Variants in SLC22A24 observed in about 807,000 individuals in gnomAD.
SLC22A24 encodes the protein solute carrier family 22 member 24.
Under a neutral mutation model 49.8 loss-of-function variants are expected in SLC22A24, and 53 were observed. That is an observed-to-expected ratio of 1.06 (90% confidence interval 0.85 to 1.34). The LOEUF (loss-of-function observed/expected upper bound fraction) is 1.34. Ranked by LOEUF, SLC22A24 falls within the 40% of genes most tolerant of loss-of-function variation. The pLI is 0.00. For missense variants in SLC22A24, 786 were observed against 675.9 expected, an observed-to-expected ratio of 1.16 and a Z score of -1.81; for synonymous variants, 302 against 256.4, an observed-to-expected ratio of 1.18 and a Z score of -1.70.
chr11:63,135,414 T>G (rs537584041), intron 1 of SLC22A24, among the ~76,000 whole-genome samples: 2 of 152,344 alleles, frequency 1.3e-5, no homozygotes, highest in East Asian at 3.9e-4. Flanking sequence ...AGCATAACAT[T>G]TGCCTAACAG....
rs143862218 is a variant in SLC22A24 at position 63,107,513 on chromosome 11, T to G, written c.831-3215A>C. 7.9e-5 allele frequency among the ~76,000 whole-genome samples: 12 copies of G among 152,334 alleles called. No individual in the cohort carries two copies. In the East Asian group the frequency reaches 2.3e-3, roughly 29 times the overall value. On this transcript the variant is annotated intron_variant, in intron 4 of 9. Coordinates refer to ENST00000612278, the MANE Select transcript of SLC22A24 (RefSeq NM_001136506.2). ...TGGGGATGGCATTGAATCTATGAAT[T>G]ACCTTGGGCAATATGGCCATTTTCA...
At chr11:63,096,530 T>C (rs1388814688) in intron 5 of SLC22A24, among the ~76,000 whole-genome samples, 14 of 152,188 alleles carry the variant, frequency 9.2e-5, no homozygotes, top group African/African-American at 4.8e-5. Context: ...GGGTCCACTT[T>C]ATGATTAGCT....
intron 4 of SLC22A24, among the ~76,000 whole-genome samples, chr11:63,107,097 T>C (rs1287420712): frequency 1.3e-5 from 2 of 152,200 alleles, no homozygotes; most frequent in Non-Finnish European, 2.9e-5. Flanking sequence ...CATCTTGAAG[T>C]AATTTTTGTA....
At chr11:63,090,124 A>C (rs1358978973) in intron 6 of SLC22A24, among the ~76,000 whole-genome samples, 1 of 151,348 alleles carries the variant, frequency 6.6e-6, no homozygotes, top group African/African-American at 2.4e-5. Context: ...ATGGCATTAC[A>C]TAATGGTAAA....
intron 5 of SLC22A24, among the ~76,000 whole-genome samples, chr11:63,098,888 AAG>A (rs933278784): frequency 6.6e-6 from 1 of 152,142 alleles, no homozygotes; most frequent in Non-Finnish European, 1.5e-5. Context: ...GCTAAGAAAA[AAG>A]AGAGAAGACT....
chr11:63,104,120 T>C (rs2087106547), intron 5 of SLC22A24, 55 bp downstream of exon 5: 3 of 1,536,992 alleles, frequency 2.0e-6, no homozygotes, highest in Non-Finnish European at 2.6e-6. Context: ...ACTAGTATGA[T>C]TGTGAGGTCA....
intron 7 of SLC22A24, among the ~76,000 whole-genome samples, chr11:63,082,841 A>G (rs1318380121): frequency 1.3e-5 from 2 of 152,256 alleles, no homozygotes; most frequent in Non-Finnish European, 2.9e-5. Flanking sequence ...AAAGTGTCCT[A>G]GACAGAGGCA....
chr11:63,115,842 A>G (rs2087209094), intron 4 of SLC22A24: 1 of 212,380 alleles, frequency 4.7e-6, no homozygotes, highest in African/African-American at 2.3e-5. Flanking sequence ...AGGTTGCACC[A>G]TTCCTTCTGT....
intron 4 of SLC22A24, among the ~76,000 whole-genome samples, chr11:63,116,810 A>G (rs1320588508): frequency 2.6e-5 from 4 of 152,102 alleles, no homozygotes; most frequent in African/African-American, 4.8e-5. Context: ...GATAATCTCA[A>G]CACTGTCTTC....
intron 6 of SLC22A24, among the ~76,000 whole-genome samples, chr11:63,095,165 G>A (rs908405411): frequency 7.9e-5 from 12 of 152,174 alleles, no homozygotes; most frequent in Middle Eastern, 3.2e-3. Flanking sequence ...TGTGTAAGGT[G>A]TAAGGGATCC....
At chr11:63,110,062 A>T (rs2087151518) in intron 4 of SLC22A24, among the ~76,000 whole-genome samples, 1 of 152,120 alleles carries the variant, frequency 6.6e-6, no homozygotes, top group South Asian at 2.1e-4. Context: ...AGCTTTCTAC[A>T]TATGGCTAGC....
At chr11:63,125,347 C>T (rs2087282627) in intron 2 of SLC22A24, among the ~76,000 whole-genome samples, 1 of 152,034 alleles carries the variant, frequency 6.6e-6, no homozygotes, top group Non-Finnish European at 1.5e-5. Flanking sequence ...GTGATGTTCC[C>T]CTCCCTGTGT....
intron 4 of SLC22A24, among the ~76,000 whole-genome samples, chr11:63,106,871 T>C (rs1341571474): frequency 7.2e-5 from 11 of 152,232 alleles, no homozygotes; most frequent in Middle Eastern, 3.4e-3. Context: ...TTCTCCGATT[T>C]TTTAGGTTGC....
chr11:63,090,495 C>T (rs1014995597), intron 6 of SLC22A24, among the ~76,000 whole-genome samples: 2 of 151,802 alleles, frequency 1.3e-5, no homozygotes, highest in African/African-American at 4.8e-5. Flanking sequence ...GAACGGAAAT[C>T]ATAACAGTCT....
intron 2 of SLC22A24, among the ~76,000 whole-genome samples, chr11:63,130,885 C>G (rs57034015): frequency 0.038 from 5,834 of 151,752 alleles, 357 homozygotes; most frequent in African/African-American, 0.13. Flanking sequence ...GTTAAAGTCT[C>G]TCATTATTAT....
At chr11:63,081,179 CTT>C (rs1400542387) in intron 8 of SLC22A24, 56 bp from the exon 9 acceptor site, 7 of 1,408,822 alleles carry the variant, frequency 5.0e-6, no homozygotes, top group African/African-American at 1.4e-5. Flanking sequence ...CATGTCAGCT[CTT>C]TATCATCATT....
chr11:63,109,973 GGTTTTAGATCT>G (rs1311252651), intron 4 of SLC22A24, among the ~76,000 whole-genome samples: 1 of 152,116 alleles, frequency 6.6e-6, no homozygotes, highest in Non-Finnish European at 1.5e-5. Context: ...GGGTTTTTAT[GGTTTTAGATCT>G]AACGTTTAAG....
intron 4 of SLC22A24, among the ~76,000 whole-genome samples, chr11:63,109,198 A>T (rs1590737819): frequency 1.4e-5 from 2 of 146,728 alleles, no homozygotes; most frequent in African/African-American, 4.9e-5. Flanking sequence ...ATGGCTCCAT[A>T]GTATTCCATG....
rs547110540 is a variant in SLC22A24 at position 63,098,949 on chromosome 11, A to G, written c.955-2843T>C. ...GGTGACATTACAACCAATACTGCAG[A>G]AATTCAAAGGGTTATTAAAGGCTGG... On this transcript the variant is annotated intron_variant, in intron 5 of 9. Coordinates refer to ENST00000612278, the MANE Select transcript of SLC22A24 (RefSeq NM_001136506.2). Among the ~76,000 whole-genome samples the G allele has an allele frequency of 2.0e-5, 3 of 152,284 alleles. No homozygotes were observed. The South Asian group carries it at 6.2e-4, about 32-fold the overall frequency.
Sources: allele counts gnomAD v4.1 joint callset (sites outside exome capture counted in the v4.1 genomes callset), GRCh38; gene constraint gnomAD v4.1.1; transcripts MANE v1.5; gene names NCBI Gene and HGNC (gene_info 2026-07-23, HGNC 2026-07-21).